The following STRBP variants were observed in gnomAD, a reference collection of about 807,000 sequenced individuals.
STRBP encodes the protein spermatid perinuclear RNA binding protein, also known as spermatid perinuclear RNA-binding protein.
STRBP carries 13 observed loss-of-function variants against 80.1 expected under a neutral mutation model. The observed-to-expected ratio is 0.16, with a 90% CI of 0.11 to 0.26. The LOEUF (loss-of-function observed/expected upper bound fraction) is 0.26, where lower values mean the gene tolerates loss of function less well. Ranked by LOEUF, STRBP falls within the 10% of genes least tolerant of loss-of-function variation. The pLI is 1.00. For synonymous variants in STRBP, 284 were observed against 291.2 expected, an observed-to-expected ratio of 0.98 and a Z score of 0.25; for missense variants, 485 against 815.2, an observed-to-expected ratio of 0.59 and a Z score of 4.93.
At chr9:123,195,192 G>A (rs1164223888) in intron 2 of STRBP, among the ~76,000 whole-genome samples, 1 of 152,122 alleles carries the variant, frequency 6.6e-6, no homozygotes, top group African/African-American at 2.4e-5. Context: ...CTCAAGAGAA[G>A]GCAACTACTT....
intron 2 of STRBP, among the ~76,000 whole-genome samples, chr9:123,217,018 A>G (rs2039921026): frequency 6.6e-6 from 1 of 152,248 alleles, no homozygotes; most frequent in Non-Finnish European, 1.5e-5. Context: ...TACCTGCCTT[A>G]TCTGCTTCTC....
chr9:123,127,933 T>C (rs2132299603), intron 18 of STRBP, among the ~76,000 whole-genome samples: 1 of 152,358 alleles, frequency 6.6e-6, no homozygotes, highest in African/African-American at 2.4e-5. Flanking sequence ...GAGTATCAGT[T>C]GGCTGTAAGA....
At chr9:123,197,667 C>CTTTTTTTTTTTT (rs71388358) in intron 2 of STRBP, among the ~76,000 whole-genome samples, 1 of 87,364 alleles carries the variant, frequency 1.1e-5, no homozygotes, top group Non-Finnish European at 2.0e-5. Context: ...AAACATATTT[C>CTTTTTTTTTTTT]TTTTTTTTTT....
chr9:123,244,935 A>C (rs2040768814), intron 1 of STRBP, among the ~76,000 whole-genome samples: 1 of 152,214 alleles, frequency 6.6e-6, no homozygotes, highest in Admixed American at 6.5e-5. Flanking sequence ...CTAAACTGTG[A>C]TACTTCCCTA....
intron 6 of STRBP, among the ~76,000 whole-genome samples, chr9:123,162,877 G>A (rs886333073): frequency 2.6e-5 from 4 of 152,144 alleles, no homozygotes; most frequent in African/African-American, 9.7e-5. Context: ...TATACAAGTA[G>A]CTCACTTTAA....
chr9:123,141,401 C>G (rs1282496671), intron 13 of STRBP, among the ~76,000 whole-genome samples: 1 of 152,154 alleles, frequency 6.6e-6, no homozygotes, highest in Non-Finnish European at 1.5e-5. Flanking sequence ...ATACTTTACA[C>G]TAAGCACATT....
At chr9:123,114,137 G>A (rs1325811893) in intron 3 of STRBP, 3 of 167,126 alleles carry the variant, frequency 1.8e-5, no homozygotes, top group African/African-American at 7.2e-5. Flanking sequence ...AAGGCTGACA[G>A]GATCCGTGTC....
intron 1 of STRBP, among the ~76,000 whole-genome samples, chr9:123,265,985 C>G (rs1028199959): frequency 6.6e-6 from 1 of 152,168 alleles, no homozygotes; most frequent in Non-Finnish European, 1.5e-5. Context: ...ATTACATCAC[C>G]CCATGCTGCC....
At chr9:123,243,070 T>C (rs141178774) in intron 1 of STRBP, among the ~76,000 whole-genome samples, 1 of 152,118 alleles carries the variant, frequency 6.6e-6, no homozygotes, top group Admixed American at 6.5e-5. Context: ...AGACTTATTA[T>C]ATAGCCACAG....
intron 11 of STRBP, among the ~76,000 whole-genome samples, chr9:123,154,060 G>A (rs1170879174): frequency 6.6e-6 from 1 of 152,132 alleles, no homozygotes; most frequent in Non-Finnish European, 1.5e-5. Flanking sequence ...AGGGCAACAG[G>A]AATTTTCATA....
downstream of STRBP, chr9:123,121,233 G>A (rs1327036629): frequency 2.0e-5 from 3 of 152,216 alleles, no homozygotes. Context: ...ACTTTAAAGT[G>A]AGTCATCAAA....
chr9:123,179,611 A>G lies in STRBP; in HGVS notation c.4-384T>C, dbSNP rs188869029. ...GCCGACATGGTAAAACCCCGTCTCT[A>G]CTAAAAATAAAAAAATTAGCTGGGT... On this transcript the variant is annotated intron_variant, in intron 3 of 18. Transcript: ENST00000348403. Among the ~76,000 whole-genome samples the G allele has an allele frequency of 2.2e-4, 34 of 152,186 alleles. 1 individual carries two copies. Among genetic ancestry groups the G allele is most frequent in the African/African-American group, 7.5e-4 (31 of 41,548 alleles).
chr9:123,160,744 C>G (rs1352777914), intron 7 of STRBP, among the ~76,000 whole-genome samples: 1 of 152,130 alleles, frequency 6.6e-6, no homozygotes, highest in Non-Finnish European at 1.5e-5. Context: ...ATTTTATAAG[C>G]AACCATCTGA....
At chr9:123,158,154 T>C (rs1196739453) in intron 10 of STRBP, 31 bp from the exon 11 acceptor site, 1 of 1,571,084 alleles carries the variant, frequency 6.4e-7, no homozygotes, top group Non-Finnish European at 8.8e-7. Context: ...TTTAATCACA[T>C]TTCAATAGCC....
At chr9:123,242,162 A>AT (rs1435862798) in intron 1 of STRBP, among the ~76,000 whole-genome samples, 1 of 152,330 alleles carries the variant, frequency 6.6e-6, no homozygotes, top group East Asian at 1.9e-4. Flanking sequence ...TAATCAATCA[A>AT]TTAGCCACCC....
chr9:123,190,565 C>T (rs1337851802), intron 2 of STRBP, among the ~76,000 whole-genome samples: 2 of 152,114 alleles, frequency 1.3e-5, no homozygotes, highest in Non-Finnish European at 2.9e-5. Context: ...GCTATTCCTC[C>T]TTACCCAAAA....
chr9:123,238,910 G>A (rs1170724602), intron 1 of STRBP, among the ~76,000 whole-genome samples: 3 of 152,124 alleles, frequency 2.0e-5, no homozygotes, highest in Admixed American at 6.5e-5. Context: ...CTGGGAGCAG[G>A]CAAAAGTTCA....
rs141038695 is a variant in STRBP at position 123,111,861 on chromosome 9, C to T, written c.*85-2108G>A. 112 of 237,922 alleles carry T rather than the reference C, an allele frequency of 4.7e-4. 1 individual carries two copies. In the East Asian group the frequency reaches 0.016, roughly 34 times the overall value. The allele number at this position is 237,922 out of a possible 1,614,324, so 14.7% of individuals were successfully genotyped here. A position where few individuals can be genotyped will look rare whatever the true frequency, so the allele number is the denominator to read the frequency against. ...AGAGAGAAGACCAGGCAGCAAAATC[C>T]GAGAGGCACTTCTGTACCAGAGGGA... On this transcript the variant is annotated intron_variant and NMD_transcript_variant, in intron 3 of 3. Coordinates refer to the STRBP transcript ENST00000471564.
chr9:123,259,003 T>A (rs1279919634), intron 1 of STRBP, among the ~76,000 whole-genome samples: 1 of 150,472 alleles, frequency 6.6e-6, no homozygotes, highest in African/African-American at 2.4e-5. Flanking sequence ...ATCTGACTTA[T>A]CTTTTTTAAA....
Sources: allele counts gnomAD v4.1 joint callset (sites outside exome capture counted in the v4.1 genomes callset), GRCh38; gene constraint gnomAD v4.1.1; transcripts MANE v1.5; gene names NCBI Gene and HGNC (gene_info 2026-07-23, HGNC 2026-07-21).